The following UTRN variants were observed in gnomAD, a reference collection of about 807,000 sequenced individuals.
UTRN encodes dystrophin-related protein 1.
A neutral mutation model predicts 463.9 loss-of-function variants in UTRN; 283 were observed. The ratio of observed to expected loss-of-function variants is 0.61; its 90% CI spans 0.55 to 0.67. UTRN has a LOEUF of 0.67. Ranked by LOEUF, UTRN falls within the 30% of genes least tolerant of loss-of-function variation. The pLI is 0.00. For missense variants in UTRN, 3,922 were observed against 4,084.3 expected, an observed-to-expected ratio of 0.96 and a Z score of 1.08; for synonymous variants, 1,442 against 1,431.5, an observed-to-expected ratio of 1.01 and a Z score of -0.17.
At chr6:144,566,429 A>G (rs1166809584) in intron 50 of UTRN, among the ~76,000 whole-genome samples, 1 of 152,178 alleles carries the variant, frequency 6.6e-6, no homozygotes, top group South Asian at 2.1e-4. Flanking sequence ...CATCTACTCA[A>G]TGAGGCAATG....
At chr6:144,403,879 A>G (rs1413444771) in intron 3 of UTRN, among the ~76,000 whole-genome samples, 2 of 152,216 alleles carry the variant, frequency 1.3e-5, no homozygotes, top group Non-Finnish European at 2.9e-5. Flanking sequence ...AGTTTTCAGG[A>G]TAACAGATTG....
At chr6:144,428,928 G>C (rs761766037) in intron 8 of UTRN, 35 bp downstream of exon 8, 1 of 1,431,666 alleles carries the variant, frequency 7.0e-7, no homozygotes, top group Non-Finnish European at 9.6e-7. Flanking sequence ...CCTTGATTTT[G>C]CTTTACAGTT....
chr6:144,686,227 G>C (rs1013462666), intron 52 of UTRN, among the ~76,000 whole-genome samples: 2 of 152,002 alleles, frequency 1.3e-5, no homozygotes, highest in African/African-American at 4.8e-5. Context: ...TGTATTTCTA[G>C]GTTCTCTATT....
chr6:144,649,041 G>A (rs1778545737), intron 51 of UTRN, among the ~76,000 whole-genome samples: 1 of 152,172 alleles, frequency 6.6e-6, no homozygotes, highest in South Asian at 2.1e-4. Context: ...ATAAGGTACA[G>A]GGTAACAGTA....
At chr6:144,732,650 TATGTC>T (rs1176794742) in intron 54 of UTRN, among the ~76,000 whole-genome samples, 14 of 147,196 alleles carry the variant, frequency 9.5e-5, no homozygotes, top group Non-Finnish European at 7.5e-5. Flanking sequence ...TGTTTCATTT[TATGTC>T]ATGTTATGTT....
chr6:144,827,299 T>G (rs1484704420), intron 66 of UTRN, 49 bp from the exon 67 acceptor site: 3 of 1,608,098 alleles, frequency 1.9e-6, no homozygotes, highest in Non-Finnish European at 2.6e-6. Flanking sequence ...CTTAAATTGC[T>G]CTAAAGTGTT....
chr6:144,511,675 T>C (rs757837579), intron 35 of UTRN, among the ~76,000 whole-genome samples: 1 of 152,332 alleles, frequency 6.6e-6, no homozygotes, highest in Non-Finnish European at 1.5e-5. Context: ...TAAATAACTA[T>C]ATGCAAAACA....
At chr6:144,357,585 G>T (rs1255427751) in intron 2 of UTRN, among the ~76,000 whole-genome samples, 1 of 152,192 alleles carries the variant, frequency 6.6e-6, no homozygotes, top group African/African-American at 2.4e-5. Context: ...TGAAGATTTT[G>T]TTTTTTCATC....
intron 2 of UTRN, among the ~76,000 whole-genome samples, chr6:144,343,405 C>CACAT (rs1455654060): frequency 1.4e-5 from 2 of 140,050 alleles, no homozygotes; most frequent in African/African-American, 5.6e-5. Flanking sequence ...CACACACACA[C>CACAT]ACACAATAGC....
intron 3 of UTRN, among the ~76,000 whole-genome samples, chr6:144,410,509 C>T (rs559476607): frequency 8.5e-5 from 13 of 152,166 alleles, no homozygotes; most frequent in African/African-American, 3.1e-4. Context: ...GGTTTTGATG[C>T]ACCCATCACC....
intron 54 of UTRN, among the ~76,000 whole-genome samples, chr6:144,732,283 C>T (rs199948424): frequency 0.13 from 15,977 of 123,458 alleles, 1,564 homozygotes; most frequent in East Asian, 0.49. Context: ...TATATACACA[C>T]ATATATATAT....
At chr6:144,556,249 C>T (rs1799372310) in intron 49 of UTRN, among the ~76,000 whole-genome samples, 1 of 152,148 alleles carries the variant, frequency 6.6e-6, no homozygotes, top group South Asian at 2.1e-4. Context: ...TTTTTATTCT[C>T]CACAAATGCA....
chr6:144,318,618 C>T (rs1017826064), intron 2 of UTRN, among the ~76,000 whole-genome samples: 1 of 152,160 alleles, frequency 6.6e-6, no homozygotes, highest in Non-Finnish European at 1.5e-5. Context: ...CACTTGCCAC[C>T]ACGCCTGGCT....
intron 52 of UTRN, among the ~76,000 whole-genome samples, chr6:144,682,299 C>A (rs1237310425): frequency 6.6e-6 from 1 of 152,180 alleles, no homozygotes; most frequent in Non-Finnish European, 1.5e-5. Flanking sequence ...ATGATCTCCC[C>A]TTCCATCCAC....
chr6:144,647,170 G>A (rs1192262776), intron 51 of UTRN, among the ~76,000 whole-genome samples: 1 of 152,104 alleles, frequency 6.6e-6, no homozygotes, highest in African/African-American at 2.4e-5. Flanking sequence ...TTAGAATTGA[G>A]ATAATTCATT....
In UTRN at chr6:144,461,349, T is replaced by C. The variant is rs1467667740; in HGVS notation, c.2853+7T>C. On this transcript the variant is annotated splice_region_variant and intron_variant, in intron 22 of 74. Coordinates refer to ENST00000367545, the MANE Select transcript of UTRN (RefSeq NM_007124.3). ...GGCCCTGCAAGAAAAAAAGGTAACA[T>C]ATATCTTCCATGTTAGAACTCTAGC... 6.5e-7 allele frequency: 1 copy of C among 1,545,290 alleles called. No individual in the cohort carries two copies. The highest frequency in any genetic ancestry group is 8.7e-7 in the Non-Finnish European group (1 of 1,143,788).
chr6:144,337,045 C>G (rs7772325), intron 2 of UTRN, among the ~76,000 whole-genome samples: 2,329 of 152,254 alleles, frequency 0.015, 65 homozygotes, highest in African/African-American at 0.054. Context: ...GCCTCACCCA[C>G]TGGGTTCCAG....
chr6:144,568,131 C>A (rs941819131), intron 50 of UTRN, among the ~76,000 whole-genome samples: 9 of 152,010 alleles, frequency 5.9e-5, no homozygotes, highest in African/African-American at 2.2e-4. Flanking sequence ...TGTTATAAAT[C>A]TGTCACCCGT....
intron 63 of UTRN, among the ~76,000 whole-genome samples, chr6:144,795,396 A>C (rs1235861109): frequency 6.6e-6 from 1 of 152,072 alleles, no homozygotes; most frequent in Non-Finnish European, 1.5e-5. Flanking sequence ...TAGTAATGGG[A>C]TTTCTGGGTC....
Sources: allele counts gnomAD v4.1 joint callset (sites outside exome capture counted in the v4.1 genomes callset), GRCh38; gene constraint gnomAD v4.1.1; transcripts MANE v1.5; gene names NCBI Gene and HGNC (gene_info 2026-07-23, HGNC 2026-07-21).